ESCO2: variants seen among roughly 807,000 people sequenced by gnomAD.
ESCO2 encodes the protein establishment of sister chromatid cohesion N-acetyltransferase 2.
In ESCO2, 51 loss-of-function variants were observed where a neutral mutation model predicts 61.7. That is an observed-to-expected ratio of 0.83 (90% CI 0.66 to 1.04). The LOEUF is 1.04. Among genes scored for constraint, ESCO2 ranks in the 50% least tolerant of loss-of-function variants. The pLI is 0.00. For synonymous variants in ESCO2, 230 were observed against 238.2 expected, an observed-to-expected ratio of 0.97 and a Z score of 0.32; for missense variants, 692 against 686.2, an observed-to-expected ratio of 1.01 and a Z score of -0.09.
chr8:27,818,423 T>A, the ESCO2 span, among the ~76,000 whole-genome samples: 1 of 152,242 alleles, frequency 6.6e-6, no homozygotes, highest in Non-Finnish European at 1.5e-5. Context: ...CAAGGTTCCC[T>A]TCTTAGAGCT....
At chr8:27,811,426 C>T, downstream of ESCO2, 1 of 509,354 alleles carries the variant, frequency 2.0e-6, no homozygotes, top group Non-Finnish European at 3.5e-6. Context: ...GCCAGACTGC[C>T]TTGCTTGGGT....
At position 27,776,455 on chromosome 8, in the gene ESCO2, C is replaced by G. The variant is rs201989984; in HGVS notation, c.147C>G (p.Cys49Trp). 990 of 1,610,770 alleles carry G rather than the reference C, an allele frequency of 6.1e-4. 4 individuals are homozygous for G. In the South Asian group the frequency reaches 8.0e-3, roughly 13 times the overall value. ...ATAAAAATGAAGAAAACCTGCATTG[C>G]TCTCAACAAGAGCATTTTGTTTTAA... Reference protein sequence around the residue: ...NSDKNEENLHCSQQEHFVLSA... With the variant: ...NSDKNEENLHWSQQEHFVLSA... Residue 49 changes from cysteine (C) to tryptophan (W), a missense_variant, in exon 3 of 11, where the codon TGC becomes TGG. Coordinates refer to ENST00000305188, the MANE Select transcript of ESCO2 (RefSeq NM_001017420.3).
chr8:27,773,661 C>A (rs1804709138), upstream of ESCO2: 1 of 152,070 alleles, frequency 6.6e-6, no homozygotes, highest in African/African-American at 2.4e-5. Flanking sequence ...GCTTTGACAG[C>A]ATGTATACTA....
chr8:27,788,785 C>T (rs1213731328), intron 6 of ESCO2, 62 bp from the exon 7 acceptor site: 18 of 1,601,274 alleles, frequency 1.1e-5, no homozygotes, highest in Non-Finnish European at 1.7e-6. Context: ...GTTATAGGAA[C>T]TTAATTTAGA....
chr8:27,787,950 A>C lies in ESCO2; in HGVS notation c.1079A>C (p.Lys360Thr). The change falls in exon 6 of 11, where the codon AAA becomes ACA. Residue 360 changes from lysine (K) to threonine (T), a missense_variant. By Grantham distance (78) the Lys-to-Thr change is moderately conservative. Coordinates refer to ENST00000305188, the MANE Select transcript of ESCO2 (RefSeq NM_001017420.3). ...TTCATGAAACAGACCAATATCCAGA[A>C]AAATACTAATACCAGAGATACAAGT... ...VNFMKQTNIQ[K>T]NTNTRDTSKK... is the part of the protein sequence containing the mutation. The C allele has an allele frequency of 6.2e-7, 1 of 1,613,878 alleles. No individual in the cohort carries two copies. Among genetic ancestry groups the C allele is most frequent in the Non-Finnish European group, 8.5e-7 (1 of 1,179,902 alleles).
upstream of ESCO2, chr8:27,773,706 C>G (rs1245397507): frequency 6.6e-6 from 1 of 152,052 alleles, no homozygotes; most frequent in African/African-American, 2.4e-5. Flanking sequence ...TAACATGGCC[C>G]CTGCTCAAGG....
chr8:27,775,659 A>G (rs1326451777), intron 2 of ESCO2, 92 bp downstream of exon 2: 1 of 1,148,570 alleles, frequency 8.7e-7, no homozygotes, highest in Non-Finnish European at 1.3e-6. Context: ...TCGTTCTTCC[A>G]CTAGCCTACT....
chr8:27,786,988 G>C (rs1805061012), intron 5 of ESCO2, among the ~76,000 whole-genome samples: 1 of 151,952 alleles, frequency 6.6e-6, no homozygotes, highest in Non-Finnish European at 1.5e-5. Context: ...GAACCAGCAG[G>C]CTGGGTGGAG....
chr8:27,784,094 A>G (rs1411841128), intron 5 of ESCO2, 37 bp downstream of exon 5: 1 of 1,585,476 alleles, frequency 6.3e-7, no homozygotes, highest in East Asian at 2.2e-5. Flanking sequence ...CAAGCCTTGT[A>G]AATTATACAG....
intron 9 of ESCO2, among the ~76,000 whole-genome samples, chr8:27,794,868 G>T (rs1805260064): frequency 6.6e-6 from 1 of 152,118 alleles, no homozygotes; most frequent in Admixed American, 6.6e-5. Flanking sequence ...TGGCATGTTT[G>T]TCAGACACCA....
chr8:27,802,742 T>G (rs1443305959), intron 10 of ESCO2, among the ~76,000 whole-genome samples: 1 of 146,810 alleles, frequency 6.8e-6, no homozygotes, highest in Non-Finnish European at 1.5e-5. Flanking sequence ...ATATGATCTT[T>G]TTTTTATTTT....
chr8:27,781,781 ACCTCAAGTGATCCCCCCACTTCAG>A (rs1489781075), intron 4 of ESCO2, among the ~76,000 whole-genome samples: 2 of 151,998 alleles, frequency 1.3e-5, no homozygotes, highest in African/African-American at 2.4e-5. Flanking sequence ...CAAACTCCTG[ACCTCAAGTGATCCCCCCACTTCAG>A]CCTCCCAGAG....
At chr8:27,797,947 G>T (rs1563479850) in intron 9 of ESCO2, among the ~76,000 whole-genome samples, 2 of 152,154 alleles carry the variant, frequency 1.3e-5, no homozygotes, top group South Asian at 2.1e-4. Flanking sequence ...GCAAGATGTA[G>T]CTAACTAACT....
At chr8:27,802,633 ATATATATATATATATATATATATT>A (rs1202972896) in intron 10 of ESCO2, among the ~76,000 whole-genome samples, 29 of 53,870 alleles carry the variant, frequency 5.4e-4, no homozygotes, top group Middle Eastern at 0.013. Context: ...AAAAAAAAAT[ATATATATATATATATATATATATT>A]ATATATATAT....
chr8:27,802,141 CT>C (rs75627743), intron 10 of ESCO2, among the ~76,000 whole-genome samples: 20,721 of 139,542 alleles, frequency 0.15, 1,737 homozygotes, highest in East Asian at 0.4. Context: ...TTGATTAATT[CT>C]TTTTTTTTTT....
the ESCO2 span, among the ~76,000 whole-genome samples, chr8:27,818,389 G>A: frequency 0.019 from 2,930 of 152,258 alleles, 104 homozygotes; most frequent in African/African-American, 0.067. Context: ...CTAGAGTTGA[G>A]GATATTTCAG....
downstream of ESCO2, among the ~76,000 whole-genome samples, chr8:27,816,583 A>G (rs1198768150): frequency 1.3e-5 from 2 of 151,588 alleles, no homozygotes; most frequent in Admixed American, 6.6e-5. Flanking sequence ...TCACTGTGTT[A>G]GCCAGGATGG....
At chr8:27,785,991 CAA>C (rs968625097) in intron 5 of ESCO2, among the ~76,000 whole-genome samples, 4 of 152,084 alleles carry the variant, frequency 2.6e-5, no homozygotes, top group Admixed American at 2.6e-4. Context: ...GACATTTAAA[CAA>C]ATATAGTGTT....
intron 9 of ESCO2, among the ~76,000 whole-genome samples, chr8:27,796,730 T>A (rs1454971343): frequency 6.6e-6 from 1 of 152,214 alleles, no homozygotes; most frequent in Non-Finnish European, 1.5e-5. Context: ...CTATGAATGT[T>A]CTGTGTGCAC....
Sources: gnomAD v4.1 joint callset for allele counts (sites outside exome capture counted in the v4.1 genomes callset) on GRCh38, gnomAD v4.1.1 for gene constraint, MANE v1.5 for transcripts, NCBI Gene and HGNC (gene_info 2026-07-23, HGNC 2026-07-21) for gene names.